SEMA6D: variants seen among roughly 807,000 people sequenced by gnomAD.
The protein encoded by SEMA6D is semaphorin 6D.
In SEMA6D, 35 loss-of-function variants were observed where a neutral mutation model predicts 106.6. That is an observed-to-expected ratio of 0.33 (90% CI 0.25 to 0.44). The LOEUF is 0.44. Ranked by LOEUF, SEMA6D falls within the 20% of genes least tolerant of loss-of-function variation. The probability of loss-of-function intolerance (pLI) is 1.00; values close to 1 mark genes in which losing one functional copy is unlikely to be tolerated. For missense variants in SEMA6D, 1,185 were observed against 1,345.9 expected, an observed-to-expected ratio of 0.88 and a Z score of 1.87; for synonymous variants, 499 against 487.7, an observed-to-expected ratio of 1.02 and a Z score of -0.31.
chr15:47,192,400 A>C (rs529150517), intron 1 of SEMA6D, among the ~76,000 whole-genome samples: 1 of 152,338 alleles, frequency 6.6e-6, no homozygotes, highest in East Asian at 1.9e-4. Flanking sequence ...GCAATTTGCC[A>C]ATGAAAAAGA....
chr15:47,658,304 T>G (rs539746194), intron 4 of SEMA6D, among the ~76,000 whole-genome samples: 2 of 152,164 alleles, frequency 1.3e-5, no homozygotes, highest in Non-Finnish European at 2.9e-5. Flanking sequence ...CTTGCTTTCC[T>G]GGGATTAGAG....
chr15:47,673,453 G>C (rs1055494670), intron 4 of SEMA6D, among the ~76,000 whole-genome samples: 3 of 152,140 alleles, frequency 2.0e-5, no homozygotes, highest in African/African-American at 7.2e-5. Flanking sequence ...TCAAATGGCT[G>C]TCTCCCAGAA....
At chr15:47,283,025 CAG>C (rs2035200150) in intron 1 of SEMA6D, among the ~76,000 whole-genome samples, 1 of 152,268 alleles carries the variant, frequency 6.6e-6, no homozygotes, top group African/African-American at 2.4e-5. Flanking sequence ...TTGAGCTTAA[CAG>C]GGGCTAGCAT....
At chr15:47,643,894 A>G (rs2077534295) in intron 4 of SEMA6D, among the ~76,000 whole-genome samples, 2 of 152,052 alleles carry the variant, frequency 1.3e-5, no homozygotes, top group South Asian at 4.2e-4. Flanking sequence ...CCATTAACCA[A>G]CCTCTTCTTA....
At chr15:47,287,023 C>G (rs1350681554) in intron 1 of SEMA6D, among the ~76,000 whole-genome samples, 1 of 152,264 alleles carries the variant, frequency 6.6e-6, no homozygotes, top group African/African-American at 2.4e-5. Flanking sequence ...GAATGTAGCT[C>G]TCAGACTCTG....
chr15:47,589,174 A>G (rs2076394149), intron 3 of SEMA6D, among the ~76,000 whole-genome samples: 1 of 152,142 alleles, frequency 6.6e-6, no homozygotes, highest in African/African-American at 2.4e-5. Context: ...GGCTTCCTTC[A>G]GGGTGTGTGC....
In SEMA6D at chr15:47,759,829, C is replaced by A; in HGVS notation, c.31C>A (p.Leu11Met). The A allele has an allele frequency of 1.2e-6, 2 of 1,613,850 alleles. No homozygotes were observed. The highest frequency in any genetic ancestry group is 8.5e-7 in the Non-Finnish European group (1 of 1,179,748). MRVFLLCAYI[L>M]LLMVSQLRAV... is the part of the protein sequence containing the mutation. ...GGTCTTCCTGCTTTGTGCCTACATA[C>A]TGCTGCTGATGGTTTCCCAGTTGAG... The change falls in exon 2 of 19, where the codon CTG becomes ATG. Residue 11 changes from leucine (L) to methionine (M), a missense_variant. Leu to Met is a conservative substitution (Grantham distance 15). This residue lies in a region of SEMA6D where 144 missense variants were observed against 138.6 expected (regional missense o/e 1.04). Transcript: ENST00000536845.
At chr15:47,713,142 C>T (rs868603866), upstream of SEMA6D, among the ~76,000 whole-genome samples, 18 of 152,246 alleles carry the variant, frequency 1.2e-4, 2 homozygotes, top group South Asian at 1.9e-3. Flanking sequence ...GTGACACCTA[C>T]AGAGTCATTA....
At chr15:47,206,619 C>A (rs1470741260) in intron 1 of SEMA6D, among the ~76,000 whole-genome samples, 1 of 151,872 alleles carries the variant, frequency 6.6e-6, no homozygotes, top group Non-Finnish European at 1.5e-5. Flanking sequence ...TCCATCCTAG[C>A]CAGCAGTTAC....
intron 1 of SEMA6D, among the ~76,000 whole-genome samples, chr15:47,743,957 C>G (rs1005776615): frequency 1.3e-5 from 2 of 152,268 alleles, no homozygotes; most frequent in Admixed American, 1.3e-4. Context: ...GAGCAATGGA[C>G]CTGGAGACAG....
In SEMA6D at chr15:47,630,317, A is replaced by T. The variant is rs540922507; in HGVS notation, c.-55+29421A>T. On this transcript the variant is annotated intron_variant, in intron 4 of 19. Coordinates refer to the SEMA6D transcript ENST00000558014. ...TAATTTTTTCTTTCTAATTTTTGGC[A>T]TACATATTCTATACATATTTTGTTG... Among the ~76,000 whole-genome samples the T allele has an allele frequency of 4.0e-5, 6 of 151,880 alleles. No individual in the cohort carries two copies. In the South Asian group the frequency reaches 1.0e-3, roughly 26 times the overall value.
intron 4 of SEMA6D, among the ~76,000 whole-genome samples, chr15:47,649,028 G>A (rs1290193034): frequency 6.6e-6 from 1 of 152,118 alleles, no homozygotes; most frequent in Non-Finnish European, 1.5e-5. Flanking sequence ...ATGTGCATAG[G>A]ACTGGATTTA....
Position 47,730,135 on chromosome 15 carries a change from G to A in SEMA6D, c.-55+12443G>A, listed in dbSNP as rs1357886726. The A allele has an allele frequency of 9.2e-6, 11 of 1,197,612 alleles. No homozygotes were observed. The Middle Eastern group carries it at 2.2e-3, about 238-fold the overall frequency. The allele number at this position is 1,197,612 out of a possible 1,614,324, so 74.2% of individuals were successfully genotyped here. On this transcript the variant is annotated intron_variant, in intron 1 of 18. Coordinates refer to ENST00000536845, the MANE Select transcript of SEMA6D (RefSeq NM_001358351.3). ...TTTTATGTACAGAAAACTCAACAGTGTACATTTAACCCAATTTAGTGGCAA... is the reference window on the plus strand; with the variant it reads ...TTTTATGTACAGAAAACTCAACAGTATACATTTAACCCAATTTAGTGGCAA...
At chr15:47,462,600 C>T (rs1191414647) in intron 2 of SEMA6D, among the ~76,000 whole-genome samples, 1 of 152,062 alleles carries the variant, frequency 6.6e-6, no homozygotes, top group Non-Finnish European at 1.5e-5. Flanking sequence ...CTGTAATGAA[C>T]TAGAGTTAAA....
intron 1 of SEMA6D, among the ~76,000 whole-genome samples, chr15:47,373,386 A>G (rs1319191571): frequency 1.3e-5 from 2 of 152,180 alleles, no homozygotes; most frequent in Admixed American, 6.5e-5. Context: ...AATATACCCC[A>G]TATATGACAT....
At chr15:47,212,534 A>G (rs1199597389) in intron 1 of SEMA6D, among the ~76,000 whole-genome samples, 11 of 152,306 alleles carry the variant, frequency 7.2e-5, no homozygotes. Flanking sequence ...CTATTACTAC[A>G]ATTTTAGTTA....
intron 3 of SEMA6D, among the ~76,000 whole-genome samples, chr15:47,532,954 A>T (rs1037148442): frequency 3.3e-5 from 5 of 151,732 alleles, no homozygotes; most frequent in African/African-American, 1.2e-4. Context: ...AAATTGTTTG[A>T]TGATATTGAT....
At chr15:47,532,513 C>G (rs996479907) in intron 3 of SEMA6D, among the ~76,000 whole-genome samples, 7 of 152,172 alleles carry the variant, frequency 4.6e-5, no homozygotes, top group African/African-American at 1.4e-4. Flanking sequence ...TTACATTAAG[C>G]TTTGAGTTGC....
chr15:47,760,501 A>G, intron 3 of SEMA6D, 86 bp downstream of exon 3: 1 of 1,031,228 alleles, frequency 9.7e-7, no homozygotes, highest in Admixed American at 2.3e-5. Flanking sequence ...TGAAAAACTA[A>G]TATGTGATTG....
Sources: gnomAD v4.1 joint callset for allele counts (sites outside exome capture counted in the v4.1 genomes callset) on GRCh38, gnomAD v4.1.1 for gene constraint, gnomAD v4.1.1 regional missense constraint, MANE v1.5 for transcripts, NCBI Gene and HGNC (gene_info 2026-07-23, HGNC 2026-07-21) for gene names.